The following DLC1 variants were observed in gnomAD, a reference collection of about 807,000 sequenced individuals.
DLC1 encodes the protein rho GTPase-activating protein 7.
A neutral mutation model predicts 140.3 loss-of-function variants in DLC1; 54 were observed. The observed-to-expected ratio is 0.38, with a 90% CI of 0.31 to 0.48. The LOEUF (loss-of-function observed/expected upper bound fraction) is 0.48, where lower values mean the gene tolerates loss of function less well. Among genes scored for constraint, DLC1 ranks in the 20% least tolerant of loss-of-function variants. DLC1 has a pLI of 0.96. For synonymous variants in DLC1, 986 were observed against 728.1 expected, an observed-to-expected ratio of 1.35 and a Z score of -5.70; for missense variants, 2,536 against 1,907.0, an observed-to-expected ratio of 1.33 and a Z score of -6.14.
chr8:13,221,012 G>A (rs1828518925), intron 5 of DLC1, among the ~76,000 whole-genome samples: 1 of 152,156 alleles, frequency 6.6e-6, no homozygotes, highest in South Asian at 2.1e-4. Flanking sequence ...ATTTAATGGT[G>A]TAGGCTTCTG....
intron 5 of DLC1, among the ~76,000 whole-genome samples, chr8:13,245,667 A>T (rs896289066): frequency 6.6e-6 from 1 of 152,076 alleles, no homozygotes; most frequent in African/African-American, 2.4e-5. Flanking sequence ...AGATAAATGC[A>T]AACTTTTAAA....
At chr8:13,407,290 A>G (rs79129172) in intron 2 of DLC1, among the ~76,000 whole-genome samples, 4,128 of 152,242 alleles carry the variant, frequency 0.027, 190 homozygotes, top group African/African-American at 0.094. Context: ...ATTCTTTCCT[A>G]AAAGTGTCAG....
At chr8:13,344,184 G>C (rs1250884831) in intron 4 of DLC1, among the ~76,000 whole-genome samples, 3 of 152,172 alleles carry the variant, frequency 2.0e-5, no homozygotes, top group African/African-American at 4.8e-5. Flanking sequence ...ATTAGCTATA[G>C]TTCCTACCTT....
At chr8:13,573,114 CT>C (rs1220178575) in intron 1 of DLC1, among the ~76,000 whole-genome samples, 2 of 152,130 alleles carry the variant, frequency 1.3e-5, no homozygotes, top group African/African-American at 2.4e-5. Flanking sequence ...ACATTGATGT[CT>C]TTACGTCTTT....
At position 13,285,280 on chromosome 8, in the gene DLC1, G is replaced by A. The variant is rs74583965; in HGVS notation, c.1348+19989C>T. ...AATGGTGCTAAAGTTAGCTAATGGA[G>A]GGGAGATAATCTACCTGAAATAGGT... On this transcript the variant is annotated intron_variant, in intron 5 of 17. Coordinates refer to ENST00000276297, the MANE Select transcript of DLC1 (RefSeq NM_182643.3). 2.4e-3 allele frequency among the ~76,000 whole-genome samples: 364 copies of A among 152,228 alleles called. 3 individuals carry two copies. Among genetic ancestry groups the A allele is most frequent in the African/African-American group, 8.0e-3 (331 of 41,516 alleles).
At chr8:13,240,399 C>A (rs964702162) in intron 5 of DLC1, among the ~76,000 whole-genome samples, 1 of 152,094 alleles carries the variant, frequency 6.6e-6, no homozygotes, top group African/African-American at 2.4e-5. Context: ...AGAATGCAAC[C>A]ATCACTCGAC....
intron 5 of DLC1, among the ~76,000 whole-genome samples, chr8:13,151,600 C>T (rs531197736): frequency 5.3e-5 from 8 of 152,240 alleles, no homozygotes; most frequent in Middle Eastern, 3.4e-3. Flanking sequence ...TGCATATCAA[C>T]GGAAGAAAAG....
chr8:13,129,266 G>T (rs762625121), intron 5 of DLC1, among the ~76,000 whole-genome samples: 1 of 152,182 alleles, frequency 6.6e-6, no homozygotes, highest in South Asian at 2.1e-4. Context: ...TCATCCATAT[G>T]CAAAGGCCAC....
chr8:13,212,104 A>G (rs893531847), intron 5 of DLC1, among the ~76,000 whole-genome samples: 6 of 152,244 alleles, frequency 3.9e-5, no homozygotes, highest in African/African-American at 1.4e-4. Context: ...TGTTATAAAT[A>G]TGTAAACATT....
At chr8:13,508,423 C>CTTTTT (rs11295861) in intron 1 of DLC1, among the ~76,000 whole-genome samples, 5 of 146,358 alleles carry the variant, frequency 3.4e-5, no homozygotes, top group Admixed American at 6.7e-5. Context: ...ACTTCTTTTT[C>CTTTTT]TTTTTTTTTT....
intron 2 of DLC1, among the ~76,000 whole-genome samples, chr8:13,482,587 A>C (rs1800786721): frequency 6.6e-6 from 1 of 152,212 alleles, no homozygotes. Context: ...TTTAATGTAG[A>C]GATGTCCCCA....
intron 1 of DLC1, among the ~76,000 whole-genome samples, chr8:13,598,240 T>C (rs1328790700): frequency 1.3e-5 from 2 of 152,122 alleles, no homozygotes; most frequent in Non-Finnish European, 2.9e-5. Context: ...TCTTAATTTG[T>C]CTAATTTTTG....
intron 5 of DLC1, among the ~76,000 whole-genome samples, chr8:13,303,866 T>C (rs984575845): frequency 6.6e-6 from 1 of 152,222 alleles, no homozygotes; most frequent in Non-Finnish European, 1.5e-5. Context: ...AATGAAGTGT[T>C]TCTCCCTGCC....
At chr8:13,240,051 A>T (rs747629873) in intron 5 of DLC1, among the ~76,000 whole-genome samples, 39 of 152,132 alleles carry the variant, frequency 2.6e-4, no homozygotes, top group Non-Finnish European at 4.6e-4. Context: ...TGCACAGTAG[A>T]CACGTGGGAA....
rs1817445599 is a variant in DLC1 at position 13,085,093 on chromosome 8, G to C, written c.*718C>G. The C allele has an allele frequency of 1.3e-5, 2 of 152,156 alleles. No individual in the cohort carries two copies. Among genetic ancestry groups the C allele is most frequent in the African/African-American group, 4.8e-5 (2 of 41,426 alleles). The allele number at this position is 152,156 out of a possible 1,614,324, so 9.4% of individuals were successfully genotyped here. A position where few individuals can be genotyped will look rare whatever the true frequency, so the allele number is the denominator to read the frequency against. ...CTAAAAATAAACTGCATTTGGAATG[G>C]GTGTAAGAGCCAACCTATTACAATC... On this transcript the variant is annotated 3_prime_UTR_variant, in exon 18 of 18. Coordinates refer to ENST00000276297, the MANE Select transcript of DLC1 (RefSeq NM_182643.3).
chr8:13,490,189 T>G (rs1016232794), intron 2 of DLC1, among the ~76,000 whole-genome samples: 2 of 152,220 alleles, frequency 1.3e-5, no homozygotes, highest in Non-Finnish European at 2.9e-5. Context: ...TCTGGGTTAA[T>G]TTTTAATGTG....
rs559412800 is a variant in DLC1, at chr8:13,476,104, G to A, written c.1023+22945C>T. 5.5e-4 allele frequency among the ~76,000 whole-genome samples: 84 copies of A among 152,162 alleles called. 1 individual carries two copies. Among genetic ancestry groups the A allele is most frequent in the Non-Finnish European group, 2.9e-4 (20 of 68,028 alleles). On this transcript the variant is annotated intron_variant, in intron 2 of 17. Coordinates refer to ENST00000276297, the MANE Select transcript of DLC1 (RefSeq NM_182643.3). ...TAATTGTGATGAGGAAAATACATCCGGTTGAAAGCAAAAAGCATTTTACAC... is the reference window on the plus strand; with the variant it reads ...TAATTGTGATGAGGAAAATACATCCAGTTGAAAGCAAAAAGCATTTTACAC...
intron 4 of DLC1, among the ~76,000 whole-genome samples, chr8:13,324,402 A>G (rs1305255446): frequency 6.6e-6 from 1 of 151,762 alleles, no homozygotes; most frequent in Non-Finnish European, 1.5e-5. Context: ...CCCTGTCTCT[A>G]CTAAAAATAC....
At chr8:13,582,211 A>G (rs971667755) in intron 1 of DLC1, among the ~76,000 whole-genome samples, 2 of 152,228 alleles carry the variant, frequency 1.3e-5, no homozygotes, top group Admixed American at 6.5e-5. Context: ...TTCTCTTTTA[A>G]GGAACTGGCA....
Sources: allele counts gnomAD v4.1 joint callset (sites outside exome capture counted in the v4.1 genomes callset), GRCh38; gene constraint gnomAD v4.1.1; transcripts MANE v1.5; gene names NCBI Gene and HGNC (gene_info 2026-07-23, HGNC 2026-07-21).